Variants in SEC63 observed in about 807,000 individuals in gnomAD.
SEC63 encodes the protein translocation protein SEC63 homolog.
A neutral mutation model predicts 116.2 loss-of-function variants in SEC63; 56 were observed. The ratio of observed to expected loss-of-function variants is 0.48; its 90% CI spans 0.39 to 0.60. The LOEUF (loss-of-function observed/expected upper bound fraction) is 0.60, where lower values mean the gene tolerates loss of function less well. Ranked by LOEUF, SEC63 falls within the 20% of genes least tolerant of loss-of-function variation. The pLI is 0.00. For missense variants in SEC63, 668 were observed against 900.0 expected, an observed-to-expected ratio of 0.74 and a Z score of 3.30; for synonymous variants, 273 against 294.6, an observed-to-expected ratio of 0.93 and a Z score of 0.75.
intron 1 of SEC63, among the ~76,000 whole-genome samples, chr6:107,938,908 AT>A (rs1158744248): frequency 2.0e-5 from 3 of 152,122 alleles, no homozygotes; most frequent in Non-Finnish European, 2.9e-5. Flanking sequence ...TCTTAAAATT[AT>A]TTTTTTAATT....
chr6:107,922,049 C>G, intron 3 of SEC63, 140 bp from the exon 4 acceptor site: 1 of 610,588 alleles, frequency 1.6e-6, no homozygotes, highest in South Asian at 2.0e-5. Context: ...ATTTTTCATC[C>G]TATATATTTT....
chr6:107,883,991 T>C (rs1468694497), intron 16 of SEC63, among the ~76,000 whole-genome samples: 1 of 152,074 alleles, frequency 6.6e-6, no homozygotes, highest in Non-Finnish European at 1.5e-5. Flanking sequence ...TGGCTCATGC[T>C]ATAATCCCAG....
intron 10 of SEC63, among the ~76,000 whole-genome samples, chr6:107,905,453 T>C (rs899961951): frequency 5.3e-5 from 8 of 152,194 alleles, no homozygotes; most frequent in Admixed American, 2.0e-4. Context: ...GATGGTAGGA[T>C]ATCATTCAAA....
intron 13 of SEC63, 57 bp downstream of exon 13, chr6:107,901,313 A>G (rs931336879): frequency 2.0e-6 from 3 of 1,535,712 alleles, no homozygotes; most frequent in Non-Finnish European, 2.7e-6. Flanking sequence ...AGTCAAATAA[A>G]TGAGAACCAA....
intron 2 of SEC63, among the ~76,000 whole-genome samples, chr6:107,927,771 A>G (rs1056029792): frequency 2.6e-5 from 4 of 152,180 alleles, no homozygotes; most frequent in African/African-American, 4.8e-5. Context: ...TCAAGTCCGC[A>G]GTATAAAATG....
chr6:107,884,250 CAA>C (rs35806948), intron 16 of SEC63, among the ~76,000 whole-genome samples: 148 of 111,886 alleles, frequency 1.3e-3, no homozygotes, highest in Middle Eastern at 4.4e-3. Context: ...GACTCTGTCT[CAA>C]AAAAAAAAAA....
chr6:107,912,647 C>T (rs550730802), intron 6 of SEC63, 69 bp downstream of exon 6: 3 of 883,052 alleles, frequency 3.4e-6, no homozygotes, highest in East Asian at 2.5e-5. Context: ...CTTGTATTAC[C>T]AAGACAGATT....
At chr6:107,911,469 G>T in intron 6 of SEC63, 73 bp from the exon 7 acceptor site, 1 of 965,242 alleles carries the variant, frequency 1.0e-6, no homozygotes, top group East Asian at 2.4e-5. Context: ...TTTATTTTGA[G>T]GCTTACAATG....
chr6:107,898,356 GA>G (rs1372384067), intron 13 of SEC63, among the ~76,000 whole-genome samples: 1 of 151,824 alleles, frequency 6.6e-6, no homozygotes, highest in Non-Finnish European at 1.5e-5. Context: ...CCAGGTTTCT[GA>G]AAACACAGTA....
chr6:107,927,015 G>T lies in SEC63; in HGVS notation c.225-2083C>A, dbSNP rs540555584. ...AAAACCTGTTTGGTTCCTCTGAAAA[G>T]ATAAGCATTTTCCCCATACTTGGCT... On this transcript the variant is annotated intron_variant, in intron 2 of 20. Coordinates refer to ENST00000369002, the MANE Select transcript of SEC63 (RefSeq NM_007214.5). 2.6e-4 allele frequency among the ~76,000 whole-genome samples: 39 copies of T among 152,214 alleles called. 1 individual carries two copies. The highest frequency in any genetic ancestry group is 8.9e-4 in the African/African-American group (37 of 41,546).
intron 19 of SEC63, 114 bp from the exon 20 acceptor site, chr6:107,873,026 G>C (rs1786170364): frequency 4.2e-6 from 3 of 722,678 alleles, no homozygotes; most frequent in Admixed American, 2.1e-5. Flanking sequence ...AGATGATACA[G>C]AAAGTCCTAA....
At chr6:107,920,283 G>A (rs541150026) in intron 4 of SEC63, among the ~76,000 whole-genome samples, 5 of 151,826 alleles carry the variant, frequency 3.3e-5, no homozygotes, top group Admixed American at 6.6e-5. Flanking sequence ...AACATTAGCC[G>A]GGCGTGGTGG....
intron 1 of SEC63, among the ~76,000 whole-genome samples, chr6:107,939,894 C>G (rs1285979806): frequency 6.6e-6 from 1 of 151,870 alleles, no homozygotes; most frequent in Non-Finnish European, 1.5e-5. Flanking sequence ...TCTAGACGAC[C>G]AAAAATAAAA....
chr6:107,924,405 C>T (rs1324798356), intron 3 of SEC63, among the ~76,000 whole-genome samples: 6 of 151,874 alleles, frequency 4.0e-5, no homozygotes, highest in Middle Eastern at 3.4e-3. Flanking sequence ...GGTGAAACCC[C>T]GTTTCTACTA....
chr6:107,923,321 C>T (rs1787600167), intron 3 of SEC63, among the ~76,000 whole-genome samples: 1 of 152,050 alleles, frequency 6.6e-6, no homozygotes, highest in Admixed American at 6.6e-5. Context: ...CCTATGTTGC[C>T]CAGGCTGGTC....
intron 4 of SEC63, among the ~76,000 whole-genome samples, chr6:107,920,421 G>A (rs1383268240): frequency 9.4e-5 from 6 of 64,142 alleles, no homozygotes; most frequent in Admixed American, 8.3e-4. Flanking sequence ...GCGAGACTCC[G>A]TCTCAAAAAA....
chr6:107,932,762 A>G (rs1483854204), intron 1 of SEC63, among the ~76,000 whole-genome samples: 3 of 152,184 alleles, frequency 2.0e-5, no homozygotes, highest in Admixed American at 2.0e-4. Context: ...TGGGCCTAGG[A>G]GCAGAAAAAT....
intron 16 of SEC63, among the ~76,000 whole-genome samples, chr6:107,883,656 A>G (rs185392882): frequency 2.0e-4 from 30 of 151,128 alleles, no homozygotes; most frequent in Middle Eastern, 3.4e-3. Context: ...ATATATATAT[A>G]TATCACTAGG....
chr6:107,868,098 A>G lies in SEC63; in HGVS notation c.*3606T>C, dbSNP rs1786036000. ...GCTTGGTGCTAACTTCTTGAGACAT[A>G]TTTGGACTAATCACTACACAGCTGG... On this transcript the variant is annotated 3_prime_UTR_variant, in exon 21 of 21. Coordinates refer to ENST00000369002, the MANE Select transcript of SEC63 (RefSeq NM_007214.5). 7.3e-6 allele frequency: 1 copy of G among 136,452 alleles called. No homozygotes were observed. Among genetic ancestry groups the G allele is most frequent in the Non-Finnish European group, 1.6e-5 (1 of 64,144 alleles). 8.5% of individuals were successfully genotyped at this position (136,452 alleles called of 1,614,324 possible).
Sources: gnomAD v4.1 joint callset for allele counts (sites outside exome capture counted in the v4.1 genomes callset) on GRCh38, gnomAD v4.1.1 for gene constraint, MANE v1.5 for transcripts, NCBI Gene and HGNC (gene_info 2026-07-23, HGNC 2026-07-21) for gene names.